The following KLHL2 variants were observed in gnomAD, a reference collection of about 807,000 sequenced individuals.
The protein encoded by KLHL2 is kelch-like protein 2.
In KLHL2, 15 loss-of-function variants were observed where a neutral mutation model predicts 75.8. The observed-to-expected ratio is 0.20, with a 90% CI of 0.13 to 0.30. KLHL2 has a LOEUF of 0.30. Among genes scored for constraint, KLHL2 ranks in the 10% least tolerant of loss-of-function variants. The pLI, the probability that KLHL2 is intolerant of heterozygous loss-of-function variation, is 1.00. For missense variants in KLHL2, 381 were observed against 741.0 expected (o/e 0.51, Z 5.64); for synonymous variants, 214 against 251.9 (o/e 0.85, Z 1.42).
chr4:165,243,121 A>G (rs1739955602), intron 4 of KLHL2, among the ~76,000 whole-genome samples: 1 of 152,188 alleles, frequency 6.6e-6, no homozygotes, highest in Non-Finnish European at 1.5e-5. Flanking sequence ...TTTTTTCACG[A>G]TCCAAAAATT....
chr4:165,245,095 C>A (rs1314036231), intron 4 of KLHL2, among the ~76,000 whole-genome samples: 1 of 152,130 alleles, frequency 6.6e-6, no homozygotes, highest in Non-Finnish European at 1.5e-5. Flanking sequence ...GTGGTCCCAG[C>A]TACTCGTGAG....
intron 9 of KLHL2, among the ~76,000 whole-genome samples, chr4:165,310,048 A>C (rs1249428900): frequency 6.6e-6 from 1 of 152,192 alleles, no homozygotes; most frequent in Admixed American, 6.5e-5. Context: ...TAATAACCTT[A>C]GAAAGAAGGC....
At chr4:165,299,441 T>G in intron 7 of KLHL2, 66 bp from the exon 8 acceptor site, 1 of 1,434,246 alleles carries the variant, frequency 7.0e-7, no homozygotes, top group Non-Finnish European at 9.3e-7. Context: ...TTTACTTCTT[T>G]TTCTTTGGCA....
chr4:165,210,016 C>T (rs1737095604), intron 1 of KLHL2: 4 of 1,522,112 alleles, frequency 2.6e-6, no homozygotes, highest in Non-Finnish European at 2.6e-6. Flanking sequence ...TTTACCGGGC[C>T]TCACTGCCAG....
At chr4:165,239,870 A>C (rs541732637) in intron 4 of KLHL2, among the ~76,000 whole-genome samples, 1 of 152,160 alleles carries the variant, frequency 6.6e-6, no homozygotes, top group South Asian at 2.1e-4. Context: ...AAACGTACAC[A>C]CAATTTTTTT....
At chr4:165,225,377 G>T (rs1738349048) in intron 2 of KLHL2, among the ~76,000 whole-genome samples, 1 of 152,054 alleles carries the variant, frequency 6.6e-6, no homozygotes, top group Admixed American at 6.6e-5. Flanking sequence ...TACTGTCATG[G>T]CTGTTAATCT....
At chr4:165,276,618 A>G (rs1743133651) in intron 5 of KLHL2, among the ~76,000 whole-genome samples, 1 of 152,178 alleles carries the variant, frequency 6.6e-6, no homozygotes, top group Admixed American at 6.5e-5. Flanking sequence ...GTGACATTAA[A>G]TATTTTGAGA....
In KLHL2 at chr4:165,245,325, T is replaced by C. The variant is rs552880185; in HGVS notation, c.381+6426T>C. On this transcript the variant is annotated intron_variant, in intron 4 of 14. Coordinates refer to ENST00000226725, the MANE Select transcript of KLHL2 (RefSeq NM_007246.4). The stretch of plus-strand genomic sequence containing the variant: ...TGCAGAGAACCTGGCCTCAGGACTT[T>C]CGTGGTGTTGGTAGTGGTGGTAGCA... Among the ~76,000 whole-genome samples, 548 of 152,236 alleles carry C rather than the reference T, an allele frequency of 3.6e-3. 1 individual carries two copies. Among genetic ancestry groups the C allele is most frequent in the Middle Eastern group, 6.8e-3 (2 of 294 alleles).
chr4:165,292,576 G>A (rs1310454350), intron 5 of KLHL2, among the ~76,000 whole-genome samples: 6 of 151,818 alleles, frequency 4.0e-5, no homozygotes, highest in Non-Finnish European at 5.9e-5. Flanking sequence ...CAGGTCATCC[G>A]CCCACCTTGG....
Position 165,313,323 on chromosome 4 carries a change from G to A in KLHL2, c.1425G>A (p.Glu475=). ...TVECYNATTN[E]WTYIAEMSTR... is the part of the protein sequence containing the mutation. ...AATGCTATAATGCTACAACAAATGAGTGGACCTATATAGCAGAAATGAGCA... is the reference window on the plus strand; with the variant it reads ...AATGCTATAATGCTACAACAAATGAATGGACCTATATAGCAGAAATGAGCA... Residue 475 remains glutamate (E), a synonymous_variant, in exon 12 of 15, where the codon GAG becomes GAA. Transcript: ENST00000226725. 2 of 1,585,526 alleles carry A rather than the reference G, an allele frequency of 1.3e-6. No individual in the cohort carries two copies. The highest frequency in any genetic ancestry group is 1.7e-6 in the Non-Finnish European group (2 of 1,169,204).
At chr4:165,209,005 A>G (rs1044623696) in intron 1 of KLHL2, among the ~76,000 whole-genome samples, 2 of 152,206 alleles carry the variant, frequency 1.3e-5, no homozygotes, top group African/African-American at 2.4e-5. Context: ...TAGGAGAGCT[A>G]ATGGGATTCT....
chr4:165,280,556 C>G (rs1743585936), intron 5 of KLHL2, among the ~76,000 whole-genome samples: 2 of 152,174 alleles, frequency 1.3e-5, no homozygotes, highest in African/African-American at 4.8e-5. Flanking sequence ...AGAATAGATG[C>G]TGATTATTCA....
intron 4 of KLHL2, among the ~76,000 whole-genome samples, chr4:165,253,395 G>T (rs1453565834): frequency 6.6e-6 from 1 of 152,164 alleles, no homozygotes; most frequent in Non-Finnish European, 1.5e-5. Flanking sequence ...TGTAAATGCT[G>T]TGCAAATAAT....
chr4:165,258,302 C>G (rs367794497), intron 4 of KLHL2, among the ~76,000 whole-genome samples: 1 of 144,620 alleles, frequency 6.9e-6, no homozygotes, highest in East Asian at 2.1e-4. Flanking sequence ...CAGAGAATAA[C>G]AAAATTTAGG....
chr4:165,216,151 G>T lies in KLHL2; in HGVS notation c.27-3783G>T, dbSNP rs1737523642. 2.6e-5 allele frequency among the ~76,000 whole-genome samples: 4 copies of T among 152,294 alleles called. No homozygotes were observed. The South Asian group carries it at 6.2e-4, about 24-fold the overall frequency. ...TTGACTATTTGAGAGAGACAGCCCTGTTAGAGTCTTTGTTTTCTTCCTGTC... is the reference window on the plus strand; with the variant it reads ...TTGACTATTTGAGAGAGACAGCCCTTTTAGAGTCTTTGTTTTCTTCCTGTC... On this transcript the variant is annotated intron_variant, in intron 1 of 14. Transcript: ENST00000226725.
At chr4:165,242,591 G>A (rs1387681550) in intron 4 of KLHL2, among the ~76,000 whole-genome samples, 1 of 152,112 alleles carries the variant, frequency 6.6e-6, no homozygotes, top group Non-Finnish European at 1.5e-5. Flanking sequence ...TCTCTTCCCA[G>A]GTTCAAGCAA....
At chr4:165,264,733 T>C (rs1248639389) in intron 5 of KLHL2, among the ~76,000 whole-genome samples, 1 of 81,120 alleles carries the variant, frequency 1.2e-5, no homozygotes. Flanking sequence ...TATATATATA[T>C]ATATATGTAT....
chr4:165,239,227 A>T (rs1237745925), intron 4 of KLHL2, among the ~76,000 whole-genome samples: 5 of 151,384 alleles, frequency 3.3e-5, no homozygotes, highest in Admixed American at 6.6e-5. Context: ...ATAGTCTACA[A>T]AGTATGTTTT....
At chr4:165,311,809 CTGTGTGTG>C (rs60870309) in intron 11 of KLHL2, among the ~76,000 whole-genome samples, 2,194 of 144,872 alleles carry the variant, frequency 0.015, 45 homozygotes, top group African/African-American at 0.05. Flanking sequence ...TCCTTTCTCT[CTGTGTGTG>C]TGTGTGTGTG....
Sources: allele counts gnomAD v4.1 joint callset (sites outside exome capture counted in the v4.1 genomes callset), GRCh38; gene constraint gnomAD v4.1.1; transcripts MANE v1.5; gene names NCBI Gene and HGNC (gene_info 2026-07-23, HGNC 2026-07-21).